Variants in TACR3 observed in about 807,000 individuals in gnomAD.
TACR3 encodes the protein tachykinin receptor 3.
Under a neutral mutation model 35.0 loss-of-function variants are expected in TACR3, and 34 were observed. That is an observed-to-expected ratio of 0.97 (90% confidence interval 0.74 to 1.30). TACR3 has a LOEUF of 1.30. Ranked by LOEUF, TACR3 falls within the 50% of genes most tolerant of loss-of-function variation. TACR3 has a pLI of 0.00. For synonymous variants in TACR3, 233 were observed against 221.1 expected, an observed-to-expected ratio of 1.05 and a Z score of -0.48; for missense variants, 558 against 591.7, an observed-to-expected ratio of 0.94 and a Z score of 0.59.
At chr4:103,713,439 A>G (rs1221228117) in intron 1 of TACR3, among the ~76,000 whole-genome samples, 1 of 125,566 alleles carries the variant, frequency 8.0e-6, no homozygotes, top group Non-Finnish European at 1.6e-5. Context: ...ACATGGACAC[A>G]GGAAGGGGAA....
chr4:103,592,927 T>C (rs541203456), intron 3 of TACR3, among the ~76,000 whole-genome samples: 2 of 152,306 alleles, frequency 1.3e-5, no homozygotes, highest in East Asian at 1.9e-4. Flanking sequence ...GTGGCCAGCA[T>C]TGAGCAGATG....
At chr4:103,676,421 A>G (rs1388474579) in intron 1 of TACR3, among the ~76,000 whole-genome samples, 2 of 152,228 alleles carry the variant, frequency 1.3e-5, no homozygotes, top group Admixed American at 6.5e-5. Context: ...CAGTCAACCT[A>G]AGTTATCCTA....
At chr4:103,592,784 G>A (rs937257508) in intron 3 of TACR3, among the ~76,000 whole-genome samples, 1 of 152,192 alleles carries the variant, frequency 6.6e-6, no homozygotes, top group Admixed American at 6.6e-5. Flanking sequence ...TCATTTGACT[G>A]CAAATTAGGG....
chr4:103,692,969 C>T (rs1722438439), intron 1 of TACR3, among the ~76,000 whole-genome samples: 1 of 152,134 alleles, frequency 6.6e-6, no homozygotes, highest in African/African-American at 2.4e-5. Flanking sequence ...AAATAAGTTA[C>T]ATTTCCCTTC....
chr4:103,660,792 G>T (rs1725826071), intron 1 of TACR3, among the ~76,000 whole-genome samples: 2 of 151,968 alleles, frequency 1.3e-5, no homozygotes, highest in Non-Finnish European at 1.5e-5. Context: ...TAATGCGTAT[G>T]TTTCAAATAG....
intron 3 of TACR3, among the ~76,000 whole-genome samples, chr4:103,612,177 T>A (rs941277686): frequency 6.6e-6 from 1 of 152,198 alleles, no homozygotes; most frequent in African/African-American, 2.4e-5. Context: ...CATACTCCCA[T>A]TGGTTCTTTA....
At chr4:103,696,006 A>G (rs1253941925) in intron 1 of TACR3, among the ~76,000 whole-genome samples, 2 of 151,796 alleles carry the variant, frequency 1.3e-5, no homozygotes, top group Non-Finnish European at 2.9e-5. Flanking sequence ...TTTCTTTTCT[A>G]TTCTATTTAG....
chr4:103,669,409 T>C (rs1726004731), intron 1 of TACR3, among the ~76,000 whole-genome samples: 1 of 152,178 alleles, frequency 6.6e-6, no homozygotes, highest in African/African-American at 2.4e-5. Flanking sequence ...ATTTTAGTTT[T>C]TTGAGGAACC....
intron 3 of TACR3, among the ~76,000 whole-genome samples, chr4:103,615,913 A>G (rs946288800): frequency 1.3e-5 from 2 of 152,230 alleles, no homozygotes; most frequent in African/African-American, 2.4e-5. Flanking sequence ...CAGCTTGTCT[A>G]TATATCTACT....
intron 1 of TACR3, among the ~76,000 whole-genome samples, chr4:103,701,186 G>A (rs1201377322): frequency 6.6e-6 from 1 of 152,106 alleles, no homozygotes; most frequent in Non-Finnish European, 1.5e-5. Flanking sequence ...AAGCTGATAG[G>A]CAACTTCAGC....
chr4:103,626,843 T>TATA (rs1724902494), intron 3 of TACR3, among the ~76,000 whole-genome samples: 1 of 151,988 alleles, frequency 6.6e-6, no homozygotes. Context: ...CAGTAATCTA[T>TATA]ATAATATAAA....
At position 103,609,954 on chromosome 4, in the gene TACR3, A is replaced by T. The variant is rs576913735; in HGVS notation, c.889-18271T>A. On this transcript the variant is annotated intron_variant, in intron 3 of 4. Transcript: ENST00000304883. ...AAACTGTTACAAATCATAAAAAATA[A>T]TTTTTTATGACTAACTAGCATTGTA... Among the ~76,000 whole-genome samples, 15 of 152,070 alleles carry T rather than the reference A, an allele frequency of 9.9e-5. No homozygotes were observed. In the South Asian group the frequency reaches 2.7e-3, roughly 27 times the overall value.
intron 1 of TACR3, among the ~76,000 whole-genome samples, chr4:103,681,993 A>T (rs965652991): frequency 6.6e-6 from 1 of 152,186 alleles, no homozygotes; most frequent in African/African-American, 2.4e-5. Context: ...ACACTCTTAA[A>T]TAATTCATGT....
intron 3 of TACR3, among the ~76,000 whole-genome samples, chr4:103,609,392 A>G (rs1251984393): frequency 1.3e-5 from 2 of 152,162 alleles, no homozygotes; most frequent in Non-Finnish European, 1.5e-5. Flanking sequence ...ATGCAAAAAG[A>G]AAGAAACTGC....
At chr4:103,590,964 TC>T (rs1723878953) in intron 4 of TACR3, among the ~76,000 whole-genome samples, 1 of 152,190 alleles carries the variant, frequency 6.6e-6, no homozygotes, top group African/African-American at 2.4e-5. Flanking sequence ...GCTCTCTTAC[TC>T]ACCCCACCTC....
At chr4:103,671,966 C>T (rs1726065894) in intron 1 of TACR3, among the ~76,000 whole-genome samples, 1 of 152,148 alleles carries the variant, frequency 6.6e-6, no homozygotes, top group Non-Finnish European at 1.5e-5. Flanking sequence ...TCAAACCCTG[C>T]TGCTGCTTTA....
At chr4:103,696,424 T>C (rs1410385076) in intron 1 of TACR3, among the ~76,000 whole-genome samples, 1 of 152,132 alleles carries the variant, frequency 6.6e-6, no homozygotes, top group Non-Finnish European at 1.5e-5. Context: ...ATAAAACATT[T>C]TATTTCTTTG....
intron 3 of TACR3, among the ~76,000 whole-genome samples, chr4:103,641,899 C>T (rs1311918986): frequency 6.6e-6 from 1 of 151,756 alleles, no homozygotes; most frequent in Admixed American, 6.6e-5. Context: ...TTCATAATCT[C>T]ACTTACATGC....
rs1206805970 is a variant in TACR3 at position 103,589,780 on chromosome 4, G to A, written c.1300C>T (p.Pro434Ser). Residue 434 changes from proline to serine, a missense_variant, in exon 5 of 5, where the codon CCA becomes TCA. By Grantham distance (74) the Pro-to-Ser change is moderately conservative (BLOSUM62 -1). Coordinates refer to ENST00000304883, the MANE Select transcript of TACR3 (RefSeq NM_001059.3). ...CTGCGAGAGCAGCCATTGAAACTTGGGTCTCTTGGCGTTGCTCTTTTCTTC... is the reference window on the plus strand; with the variant it reads ...CTGCGAGAGCAGCCATTGAAACTTGAGTCTCTTGGCGTTGCTCTTTTCTTC... ...SRKKRATPRD[P>S]SFNGCSRRNS... is the part of the protein sequence containing the mutation. 1 of 1,613,952 alleles carries A rather than the reference G, an allele frequency of 6.2e-7. No individual in the cohort carries two copies. The highest frequency in any genetic ancestry group is 1.7e-5 in the Admixed American group (1 of 59,990).
Sources: gnomAD v4.1 joint callset for allele counts (sites outside exome capture counted in the v4.1 genomes callset) on GRCh38, gnomAD v4.1.1 for gene constraint, MANE v1.5 for transcripts, NCBI Gene and HGNC (gene_info 2026-07-23, HGNC 2026-07-21) for gene names.